The following UGT2A3 variants were observed in gnomAD, a reference collection of about 807,000 sequenced individuals.
UGT2A3 encodes the protein UDP-glucuronosyltransferase 2A3.
A neutral mutation model predicts 44.1 loss-of-function variants in UGT2A3; 55 were observed. The ratio of observed to expected loss-of-function variants is 1.25; its 90% CI spans 1.00 to 1.56. The LOEUF (loss-of-function observed/expected upper bound fraction) is 1.56. Ranked by LOEUF, UGT2A3 falls within the 40% of genes most tolerant of loss-of-function variation. The pLI is 0.00. For missense variants in UGT2A3, 733 were observed against 621.6 expected, an observed-to-expected ratio of 1.18 and a Z score of -1.91; for synonymous variants, 243 against 215.1, an observed-to-expected ratio of 1.13 and a Z score of -1.13.
intron 2 of UGT2A3, among the ~76,000 whole-genome samples, chr4:68,942,538 TAC>T (rs1553902067): frequency 2.7e-4 from 38 of 143,010 alleles, no homozygotes; most frequent in Middle Eastern, 3.7e-3. Flanking sequence ...TATATATATA[TAC>T]ATTTTCCAAT....
Position 68,931,165 on chromosome 4 carries a change from A to T in UGT2A3, c.1074T>A (p.Asn358Lys). The T allele has an allele frequency of 1.1e-5, 18 of 1,612,466 alleles. No homozygotes were observed. The highest frequency in any genetic ancestry group is 1.5e-5 in the Non-Finnish European group (18 of 1,179,042). ...TTCTCATAGACCTACCAAGAAGATC[A>T]TTCTGGGGTATCCAATCATACAGCC... ...NTRLYDWIPQ[N>K]DLLGHPKTKA... The change falls in exon 4 of 6, where the codon AAT becomes AAA. Residue 358 changes from asparagine to lysine, a missense_variant. Transcript: ENST00000251566.
At chr4:68,943,911 C>T (rs1017913271) in intron 2 of UGT2A3, among the ~76,000 whole-genome samples, 2 of 151,700 alleles carry the variant, frequency 1.3e-5, no homozygotes, top group Non-Finnish European at 2.9e-5. Context: ...TTACAGTTCC[C>T]CATTGGAAAC....
rs753012004 is a variant in UGT2A3 at position 68,931,246 on chromosome 4, C to T, written c.997-4G>A. The T allele has an allele frequency of 5.8e-5, 94 of 1,609,408 alleles. No individual in the cohort carries two copies. Among genetic ancestry groups the T allele is most frequent in the South Asian group, 5.0e-4 (45 of 90,860 alleles). ...TTCCTTTGTACCTCCATAACACCTA[C>T]GGAAGAAACACATGTATTTCACAGA... On this transcript the variant is annotated splice_polypyrimidine_tract_variant and splice_region_variant and intron_variant, in intron 3 of 5. Coordinates refer to ENST00000251566, the MANE Select transcript of UGT2A3 (RefSeq NM_024743.4).
At chr4:68,932,537 G>A in intron 3 of UGT2A3, 91 bp downstream of exon 3, 1 of 1,476,194 alleles carries the variant, frequency 6.8e-7, no homozygotes, top group Non-Finnish European at 9.1e-7. Context: ...TACCTGTTAT[G>A]CTAAGTGGAA....
At chr4:68,930,239 T>A in intron 5 of UGT2A3, 147 bp from the exon 6 acceptor site, 1 of 977,992 alleles carries the variant, frequency 1.0e-6, no homozygotes, top group South Asian at 1.7e-5. Context: ...TATTGTTGGT[T>A]ACATAGTATT....
intron 2 of UGT2A3, among the ~76,000 whole-genome samples, chr4:68,935,280 A>G (rs56716107): frequency 0.038 from 2,481 of 65,178 alleles, 144 homozygotes; most frequent in Non-Finnish European, 0.045. Flanking sequence ...ATGTATGTAT[A>G]TATATATATA....
chr4:68,950,223 A>T lies in UGT2A3; in HGVS notation c.715+823T>A, dbSNP rs114773300. Among the ~76,000 whole-genome samples the T allele has an allele frequency of 5.2e-3, 789 of 152,022 alleles. 9 individuals are homozygous for T. Among genetic ancestry groups the T allele is most frequent in the African/African-American group, 0.018 (758 of 41,558 alleles). On this transcript the variant is annotated intron_variant, in intron 1 of 5. Transcript: ENST00000251566. ...AAAATTATTTAAAGCAAATCAATACATGTAAATTCAAATCATGTCTAAGGC... is the reference window on the plus strand; with the variant it reads ...AAAATTATTTAAAGCAAATCAATACTTGTAAATTCAAATCATGTCTAAGGC...
At chr4:68,938,984 C>T (rs1718077417) in intron 2 of UGT2A3, among the ~76,000 whole-genome samples, 1 of 152,102 alleles carries the variant, frequency 6.6e-6, no homozygotes, top group Non-Finnish European at 1.5e-5. Context: ...AGGAATCCAA[C>T]TTACAAGGGA....
rs1717631768 is a variant in UGT2A3 at position 68,929,338 on chromosome 4, T to TA, written c.*474dup. On this transcript the variant is annotated 3_prime_UTR_variant, in exon 6 of 6. Transcript: ENST00000251566. ...TCTGAGATCACTGATGCTGGCTATG[T>TA]AGAAGGGCTTATTTAAATTGAAAAA... 1 of 152,680 alleles carries TA rather than the reference T, an allele frequency of 6.5e-6. No homozygotes were observed. The highest frequency in any genetic ancestry group is 2.4e-5 in the African/African-American group (1 of 41,448). The allele number at this position is 152,680 out of a possible 1,614,324, so 9.5% of individuals were successfully genotyped here.
chr4:68,934,355 G>A (rs908861852), intron 2 of UGT2A3, among the ~76,000 whole-genome samples: 4 of 151,688 alleles, frequency 2.6e-5, no homozygotes, highest in African/African-American at 7.3e-5. Context: ...CAAGGAATTA[G>A]AAAACAAGAA....
At chr4:68,946,275 A>G (rs1258270645) in intron 1 of UGT2A3, among the ~76,000 whole-genome samples, 1 of 151,754 alleles carries the variant, frequency 6.6e-6, no homozygotes, top group African/African-American at 2.4e-5. Context: ...ACTCCATAAG[A>G]GAATTTGTTT....
chr4:68,943,256 A>G, intron 2 of UGT2A3: 3 of 1,084,556 alleles, frequency 2.8e-6, no homozygotes, highest in Non-Finnish European at 3.6e-6. Context: ...TGTGGGAATA[A>G]AGGGTAGAAT....
chr4:68,935,459 G>A (rs1228395908), intron 2 of UGT2A3, among the ~76,000 whole-genome samples: 2 of 151,560 alleles, frequency 1.3e-5, no homozygotes, highest in African/African-American at 4.8e-5. Context: ...CAGACCTGAA[G>A]CTGAGGGACC....
chr4:68,935,573 C>A (rs899560800), intron 2 of UGT2A3, among the ~76,000 whole-genome samples: 1 of 151,734 alleles, frequency 6.6e-6, no homozygotes, highest in Non-Finnish European at 1.5e-5. Context: ...ACATCAAAGA[C>A]CAAAGGTAGA....
chr4:68,948,994 G>A (rs1718483882), intron 1 of UGT2A3, among the ~76,000 whole-genome samples: 1 of 151,792 alleles, frequency 6.6e-6, no homozygotes, highest in African/African-American at 2.4e-5. Context: ...GATAATGAGA[G>A]ATATGCAAGA....
At chr4:68,946,490 G>A (rs74401613) in intron 1 of UGT2A3, among the ~76,000 whole-genome samples, 19,856 of 151,504 alleles carry the variant, frequency 0.13, 1,654 homozygotes, top group East Asian at 0.34. Context: ...CAGCTTCCAA[G>A]CAAATGCATT....
At chr4:68,936,157 G>T (rs988021614) in intron 2 of UGT2A3, among the ~76,000 whole-genome samples, 8 of 152,106 alleles carry the variant, frequency 5.3e-5, no homozygotes, top group Admixed American at 2.6e-4. Flanking sequence ...TTATCCAGGA[G>T]AACTTTCCCA....
intron 3 of UGT2A3, 55 bp downstream of exon 3, chr4:68,932,573 C>A: frequency 6.4e-7 from 1 of 1,551,024 alleles, no homozygotes; most frequent in Non-Finnish European, 8.7e-7. Flanking sequence ...CCAAATAAAA[C>A]CATACTGTTT....
At chr4:68,935,369 C>T (rs1017997878) in intron 2 of UGT2A3, among the ~76,000 whole-genome samples, 2 of 144,452 alleles carry the variant, frequency 1.4e-5, no homozygotes, top group African/African-American at 5.0e-5. Flanking sequence ...ATTTGCTGTT[C>T]TGCAGTATTT....
Sources: gnomAD v4.1 joint callset for allele counts (sites outside exome capture counted in the v4.1 genomes callset) on GRCh38, gnomAD v4.1.1 for gene constraint, MANE v1.5 for transcripts, NCBI Gene and HGNC (gene_info 2026-07-23, HGNC 2026-07-21) for gene names.